Variants in SLC4A10 observed in about 807,000 individuals in gnomAD.
SLC4A10 encodes the protein solute carrier family 4 member 10.
Under a neutral mutation model 137.7 loss-of-function variants are expected in SLC4A10, and 42 were observed. The ratio of observed to expected loss-of-function variants is 0.30; its 90% CI spans 0.24 to 0.39. SLC4A10 has a LOEUF of 0.39. Ranked by LOEUF, SLC4A10 falls within the 10% of genes least tolerant of loss-of-function variation. The pLI, the probability that SLC4A10 is intolerant of heterozygous loss-of-function variation, is 1.00. For missense variants in SLC4A10, 925 were observed against 1,355.0 expected, an observed-to-expected ratio of 0.68 and a Z score of 4.98; for synonymous variants, 474 against 464.1, an observed-to-expected ratio of 1.02 and a Z score of -0.27.
At chr2:161,748,427 A>G (rs1184655563) in intron 1 of SLC4A10, among the ~76,000 whole-genome samples, 2 of 145,788 alleles carry the variant, frequency 1.4e-5, no homozygotes, top group Admixed American at 6.8e-5. Context: ...GTCTTAAGCC[A>G]TTTTGAGTTT....
At chr2:161,689,726 T>A (rs945817952) in intron 1 of SLC4A10, among the ~76,000 whole-genome samples, 2 of 152,208 alleles carry the variant, frequency 1.3e-5, no homozygotes, top group Non-Finnish European at 1.5e-5. Flanking sequence ...TTAATGCTTT[T>A]GGGCACTGAC....
intron 1 of SLC4A10, among the ~76,000 whole-genome samples, chr2:161,699,080 C>T (rs544055186): frequency 1.9e-4 from 29 of 152,220 alleles, no homozygotes; most frequent in South Asian, 1.5e-3. Flanking sequence ...AGTGCAGTGG[C>T]GCGATCTCAG....
intron 3 of SLC4A10, among the ~76,000 whole-genome samples, chr2:161,810,600 C>T (rs1273342829): frequency 6.6e-6 from 1 of 151,834 alleles, no homozygotes; most frequent in Non-Finnish European, 1.5e-5. Flanking sequence ...CTCTTGAAGG[C>T]CTTTTCTGTA....
chr2:161,916,666 A>G (rs927619485), intron 15 of SLC4A10, among the ~76,000 whole-genome samples: 3 of 152,078 alleles, frequency 2.0e-5, no homozygotes, highest in Admixed American at 2.0e-4. Context: ...TGCTCCAGCC[A>G]CACCAATATG....
intron 1 of SLC4A10, among the ~76,000 whole-genome samples, chr2:161,738,341 A>G (rs1438510607): frequency 1.3e-5 from 2 of 152,210 alleles, no homozygotes; most frequent in Admixed American, 1.3e-4. Flanking sequence ...ACAATTAACA[A>G]ATTGGGCAGG....
At chr2:161,952,059 C>T (rs899379734) in intron 19 of SLC4A10, among the ~76,000 whole-genome samples, 4 of 152,026 alleles carry the variant, frequency 2.6e-5, no homozygotes, top group Non-Finnish European at 5.9e-5. Flanking sequence ...TTATTATTTA[C>T]CTTTCAAAAA....
At chr2:161,867,290 A>G (rs2060818650) in intron 6 of SLC4A10, among the ~76,000 whole-genome samples, 1 of 151,980 alleles carries the variant, frequency 6.6e-6, no homozygotes. Context: ...TTACGTATTT[A>G]GATATATATG....
intron 1 of SLC4A10, among the ~76,000 whole-genome samples, chr2:161,746,856 G>A (rs367619157): frequency 3.9e-4 from 60 of 152,072 alleles, no homozygotes; most frequent in Non-Finnish European, 7.2e-4. Flanking sequence ...TTCTGGGTCC[G>A]AGTCACTCTA....
chr2:161,836,875 T>C (rs1370387943), intron 3 of SLC4A10, among the ~76,000 whole-genome samples: 2 of 152,068 alleles, frequency 1.3e-5, no homozygotes, highest in Non-Finnish European at 2.9e-5. Flanking sequence ...CATTAAGAAA[T>C]ATGAGGGCTA....
chr2:161,849,573 C>A (rs1485275126), intron 4 of SLC4A10, among the ~76,000 whole-genome samples: 1 of 152,012 alleles, frequency 6.6e-6, no homozygotes, highest in Non-Finnish European at 1.5e-5. Flanking sequence ...GTGGTGTACA[C>A]CTTCAATGCC....
At chr2:161,935,489 C>T (rs911177575) in intron 15 of SLC4A10, among the ~76,000 whole-genome samples, 12 of 152,050 alleles carry the variant, frequency 7.9e-5, no homozygotes, top group Non-Finnish European at 1.6e-4. Flanking sequence ...TTTTAAATAT[C>T]AGTTCTTCCA....
intron 3 of SLC4A10, among the ~76,000 whole-genome samples, chr2:161,834,820 G>A (rs1207486085): frequency 6.6e-6 from 1 of 151,980 alleles, no homozygotes; most frequent in Admixed American, 6.6e-5. Context: ...GATCAGATTG[G>A]ACTGACTGTC....
intron 3 of SLC4A10, among the ~76,000 whole-genome samples, chr2:161,833,635 C>A (rs866814776): frequency 2.6e-5 from 4 of 152,142 alleles, no homozygotes; most frequent in African/African-American, 9.7e-5. Context: ...GCTGTTACAG[C>A]CAATTAGTTT....
intron 10 of SLC4A10, 143 bp from the exon 11 acceptor site, chr2:161,894,536 A>G (rs1320937305): frequency 5.9e-6 from 2 of 336,230 alleles, no homozygotes; most frequent in Non-Finnish European, 1.0e-5. Context: ...ATATTTTACA[A>G]CATAAACTTC....
chr2:161,696,092 G>A (rs902905558), intron 1 of SLC4A10, among the ~76,000 whole-genome samples: 2 of 150,350 alleles, frequency 1.3e-5, no homozygotes, highest in Middle Eastern at 3.4e-3. Context: ...GGCCCCGTGT[G>A]TGATGTTCCC....
intron 2 of SLC4A10, among the ~76,000 whole-genome samples, chr2:161,801,770 C>T (rs574888604): frequency 3.9e-5 from 6 of 151,908 alleles, no homozygotes; most frequent in South Asian, 2.1e-4. Flanking sequence ...CCTTTTGTTT[C>T]GTGAATGATA....
chr2:161,750,286 A>G (rs947649532), intron 1 of SLC4A10, among the ~76,000 whole-genome samples: 2 of 151,760 alleles, frequency 1.3e-5, no homozygotes, highest in African/African-American at 4.8e-5. Context: ...CTCTCTGCTA[A>G]CATTGGGTTT....
chr2:161,912,097 G>T (rs1411769777), intron 15 of SLC4A10, among the ~76,000 whole-genome samples: 2 of 152,014 alleles, frequency 1.3e-5, no homozygotes, highest in Non-Finnish European at 2.9e-5. Context: ...GAGCCTTTTT[G>T]AACAGAATTT....
intron 12 of SLC4A10, among the ~76,000 whole-genome samples, chr2:161,902,992 T>C (rs61744553): frequency 0.067 from 10,199 of 152,246 alleles, 446 homozygotes; most frequent in East Asian, 0.13. Context: ...TAGGAACTTA[T>C]TCATAGTCTT....
Sources: allele counts gnomAD v4.1 joint callset (sites outside exome capture counted in the v4.1 genomes callset), GRCh38; gene constraint gnomAD v4.1.1; transcripts MANE v1.5; gene names NCBI Gene and HGNC (gene_info 2026-07-23, HGNC 2026-07-21).